ZNFX1: variants seen among roughly 807,000 people sequenced by gnomAD.
The protein encoded by ZNFX1 is zinc finger NFX1-type containing 1.
A neutral mutation model predicts 179.8 loss-of-function variants in ZNFX1; 78 were observed. That is an observed-to-expected ratio of 0.43 (90% CI 0.36 to 0.52). ZNFX1 has a LOEUF of 0.52. Among genes scored for constraint, ZNFX1 ranks in the 20% least tolerant of loss-of-function variants. The pLI is 0.00. For missense variants in ZNFX1, 1,927 were observed against 2,386.6 expected (o/e 0.81, Z 4.01); for synonymous variants, 848 against 868.5 (o/e 0.98, Z 0.42).
chr20:49,258,960 G>A (rs552017104), intron 7 of ZNFX1, among the ~76,000 whole-genome samples: 1 of 151,430 alleles, frequency 6.6e-6, no homozygotes, highest in Non-Finnish European at 1.5e-5. Context: ...AAAATAAGCT[G>A]GGTGTGGTGA....
At position 49,247,025 on chromosome 20, in the gene ZNFX1, C is replaced by T. The variant is rs1192087375; in HGVS notation, c.*242G>A. On this transcript the variant is annotated 3_prime_UTR_variant, in exon 14 of 14. Coordinates refer to ENST00000396105, the MANE Select transcript of ZNFX1 (RefSeq NM_021035.3). ...CTGGGATTACAGGCGCCCGCCATAA[C>T]GCCCAGCTAATTTTTGTATTTTTAG... The T allele has an allele frequency of 1.2e-5, 6 of 486,522 alleles. No homozygotes were observed. The highest frequency in any genetic ancestry group is 8.1e-5 in the South Asian group (4 of 49,150). 30.1% of individuals were successfully genotyped at this position (486,522 alleles called of 1,614,324 possible).
chr20:49,269,691 G>C (rs775652019), intron 3 of ZNFX1, among the ~76,000 whole-genome samples: 1 of 151,958 alleles, frequency 6.6e-6, no homozygotes, highest in African/African-American at 2.4e-5. Context: ...CAAAAACAAT[G>C]ACGACAACAA....
chr20:49,257,430 G>A lies in ZNFX1; in HGVS notation c.2651C>T (p.Thr884Ile). Residue 884 changes from threonine (T) to isoleucine (I), a missense_variant, in exon 8 of 14, where the codon ACA (threonine) becomes ATA (isoleucine). Physicochemically the swap from Thr to Ile is moderately conservative, Grantham distance 89. Coordinates refer to ENST00000396105, the MANE Select transcript of ZNFX1 (RefSeq NM_021035.3). ...TGTAAGQEQATGEWQTQRNQK... is the reference protein window; with the variant it reads ...TGTAAGQEQAIGEWQTQRNQK... The stretch of plus-strand genomic sequence containing the variant: ...AAGTGAGTTTACCTGCCACTCTCCT[G>A]TGGCTTGCTCCTGTCCAGCTGCTGT... 6.2e-7 allele frequency: 1 copy of A among 1,614,108 alleles called. No individual in the cohort carries two copies.
At position 49,260,490 on chromosome 20, in the gene ZNFX1, C is replaced by T. The variant is rs1033837324; in HGVS notation, c.2389G>A (p.Val797Ile). The change falls in exon 7 of 14, where the codon GTT becomes ATT. Residue 797 changes from valine to isoleucine, a missense_variant. Physicochemically the swap from Val to Ile is conservative, Grantham distance 29. Transcript: ENST00000396105. Reference protein sequence around the residue: ...GLGVGSFTQSVSPAGPENTAQ... With the variant: ...GLGVGSFTQSISPAGPENTAQ... ...GTATTCTCAGGTCCTGCTGGAGAAA[C>T]ACTTTGCGTGAAAGAACCGACACCA... 5 of 1,613,124 alleles carry T rather than the reference C, an allele frequency of 3.1e-6. No individual in the cohort carries two copies. The highest frequency in any genetic ancestry group is 1.6e-4 in the Middle Eastern group (1 of 6,082).
chr20:49,270,324 C>G lies in ZNFX1; in HGVS notation c.1488G>C (p.Glu496Asp). 3 of 1,614,110 alleles carry G rather than the reference C, an allele frequency of 1.9e-6. No homozygotes were observed. Among genetic ancestry groups the G allele is most frequent in the Non-Finnish European group, 8.5e-7 (1 of 1,180,000 alleles). The change falls in exon 3 of 14, where the codon GAG (glutamate) becomes GAC (aspartate). Residue 496 changes from glutamate (E) to aspartate (D), a missense_variant. Transcript: ENST00000396105. The surrounding 1 kb of genome is among the most constrained non-coding windows in gnomAD (Gnocchi z 4.6). Reference sequence around the variant, plus strand: ...TGAGGAAAGAGTCAGAGGGCTGGACCTCTGCTAGCAGCTGTTGGCTTTGCT... The same window carrying G: ...TGAGGAAAGAGTCAGAGGGCTGGACGTCTGCTAGCAGCTGTTGGCTTTGCT... ...FNEQSQQLLA[E>D]VQPSDSFLMV...
In ZNFX1 at chr20:49,248,273, C is replaced by A; in HGVS notation, c.4751G>T (p.Arg1584Leu). 1 of 1,614,100 alleles carries A rather than the reference C, an allele frequency of 6.2e-7. No individual in the cohort carries two copies. The highest frequency in any genetic ancestry group is 8.5e-7 in the Non-Finnish European group (1 of 1,180,020). ...GCTGCAGTCTTCCAGCTGCACAAAG[C>A]GGGCATCAGGCTCATCCTCAAAGCC... ...FFGFEDEPDA[R>L]FVQLEDCSHI... The change falls in exon 14 of 14, where the codon CGC (arginine) becomes CTC (leucine). Residue 1584 changes from arginine (R) to leucine (L), a missense_variant. Arg to Leu is a moderately radical substitution (Grantham distance 102, BLOSUM62 -2). Coordinates refer to ENST00000396105, the MANE Select transcript of ZNFX1 (RefSeq NM_021035.3). The surrounding 1 kb of genome is among the most constrained non-coding windows in gnomAD (Gnocchi z 4.6).
chr20:49,262,981 G>A (rs190182335), intron 6 of ZNFX1, among the ~76,000 whole-genome samples: 1 of 152,250 alleles, frequency 6.6e-6, no homozygotes, highest in East Asian at 1.9e-4. Flanking sequence ...AATCCTGTAA[G>A]AACAAAGATC....
rs1980664871 is a variant in ZNFX1 at position 49,246,125 on chromosome 20, AC to A, written c.*1141del. 6.6e-6 allele frequency: 1 copy of A among 152,218 alleles called. No individual in the cohort carries two copies. The highest frequency in any genetic ancestry group is 2.1e-4 in the South Asian group (1 of 4,824). 9.4% of individuals were successfully genotyped at this position (152,218 alleles called of 1,614,324 possible). On this transcript the variant is annotated 3_prime_UTR_variant, in exon 14 of 14. Coordinates refer to ENST00000396105, the MANE Select transcript of ZNFX1 (RefSeq NM_021035.3). ...CAGAAGCTGCTGGCATGCTAGCTCT[AC>A]CCAGGGAACAGCTCCAAGAGGGAGT... is the stretch of plus-strand genomic sequence containing the variant.
intron 3 of ZNFX1, 131 bp from the exon 4 acceptor site, chr20:49,266,397 T>C (rs1305563928): frequency 8.3e-6 from 8 of 963,378 alleles, no homozygotes; most frequent in Non-Finnish European, 1.0e-5. Context: ...GCGTACATTG[T>C]ATATTGTGAA....
chr20:49,263,376 G>T lies in ZNFX1; in HGVS notation c.2259C>A (p.Ile753=). 1 of 1,613,960 alleles carries T rather than the reference G, an allele frequency of 6.2e-7. No individual in the cohort carries two copies. Among genetic ancestry groups the T allele is most frequent in the South Asian group, 1.1e-5 (1 of 91,056 alleles). The change falls in exon 6 of 14, where the codon ATC becomes ATA. Residue 753 remains isoleucine, a synonymous_variant. Coordinates refer to ENST00000396105, the MANE Select transcript of ZNFX1 (RefSeq NM_021035.3). ...VLREQYLQKY[I]SPQHWESLMN... Reference sequence around the variant, plus strand: ...TGAGACTTTCCCAGTGCTGGGGTGAGATGTACTTCTGCAGGTACTGTTCCC... The same window carrying T: ...TGAGACTTTCCCAGTGCTGGGGTGATATGTACTTCTGCAGGTACTGTTCCC...
Position 49,247,876 on chromosome 20 carries a change from C to G in ZNFX1, c.5148G>C (p.Trp1716Cys). 6.2e-7 allele frequency: 1 copy of G among 1,614,134 alleles called. No individual in the cohort carries two copies. Among genetic ancestry groups the G allele is most frequent in the African/African-American group, 1.3e-5 (1 of 75,034 alleles). The change falls in exon 14 of 14, where the codon TGG becomes TGC. Residue 1716 changes from tryptophan (W) to cysteine (C), a missense_variant. By Grantham distance (215) the Trp-to-Cys change is radical (BLOSUM62 -2). Transcript: ENST00000396105. The part of the protein sequence containing the change: ...ISFYDHLASL[W>C]DSLKKMHVLE... ...AGACATGCATCTTTTTCAGGGAATC[C>G]CACAGGCTGGCCAGGTGGTCATAGA...
At position 49,257,629 on chromosome 20, in the gene ZNFX1, C is replaced by T. The variant is rs200086384; in HGVS notation, c.2452G>A (p.Glu818Lys). 6.2e-6 allele frequency: 10 copies of T among 1,613,982 alleles called. No homozygotes were observed. In the East Asian group the frequency reaches 1.8e-4, roughly 29 times the overall value. Residue 818 changes from glutamate (E) to lysine (K), a missense_variant, in exon 8 of 14, where the codon GAG (glutamate) becomes AAG (lysine). Coordinates refer to ENST00000396105, the MANE Select transcript of ZNFX1 (RefSeq NM_021035.3). ...AEGDEEEEGEEESSLIEIAEE... is the reference protein window; with the variant it reads ...AEGDEEEEGEKESSLIEIAEE... ...GCGATCTCTATCAGCGAACTCTCCTCCTCCCCTTCTTCCTCCTCATCCCCT... is the reference window on the plus strand; with the variant it reads ...GCGATCTCTATCAGCGAACTCTCCTTCTCCCCTTCTTCCTCCTCATCCCCT...
Position 49,249,678 on chromosome 20 carries a change from T to C in ZNFX1, c.3346A>G (p.Asn1116Asp), listed in dbSNP as rs1185223237. Residue 1116 changes from asparagine (N) to aspartate (D), a missense_variant, in exon 14 of 14, where the codon AAC (asparagine) becomes GAC (aspartate). Physicochemically the swap from Asn to Asp is conservative, Grantham distance 23. Transcript: ENST00000396105. ...VSSNLFFVEH[N>D]FPEQEIQEGK... ...TCTTGGATTTCCTGTTCAGGAAAGT[T>C]GTGTTCTACAAAGAAAAGGTTGGAA... 6.2e-7 allele frequency: 1 copy of C among 1,613,470 alleles called. No individual in the cohort carries two copies. Among genetic ancestry groups the C allele is most frequent in the Non-Finnish European group, 8.5e-7 (1 of 1,179,548 alleles).
chr20:49,270,994 A>G lies in ZNFX1; in HGVS notation c.818T>C (p.Leu273Pro). ...VQETSMLVSL[L>P]PTSLNALRAS... ...TCTCAGAGCATTAAGAGAGGTTGGC[A>G]GGAGGGAAACCAGCATGGAAGTTTC... is the stretch of plus-strand genomic sequence containing the variant. The change falls in exon 3 of 14, where the codon CTG (leucine) becomes CCG (proline). Residue 273 changes from leucine to proline, a missense_variant. Physicochemically the swap from Leu to Pro is moderately conservative, Grantham distance 98. Coordinates refer to ENST00000396105, the MANE Select transcript of ZNFX1 (RefSeq NM_021035.3). The surrounding 1 kb of genome is among the most constrained non-coding windows in gnomAD (Gnocchi z 4.6). The G allele has an allele frequency of 6.2e-7, 1 of 1,614,154 alleles. No homozygotes were observed. Among genetic ancestry groups the G allele is most frequent in the Non-Finnish European group, 8.5e-7 (1 of 1,180,016 alleles).
intron 4 of ZNFX1, 38 bp downstream of exon 4, chr20:49,266,094 TCAA>T: frequency 6.3e-7 from 1 of 1,594,430 alleles, no homozygotes; most frequent in Non-Finnish European, 8.5e-7. Flanking sequence ...GGTTCAATCA[TCAA>T]CATCTTGATA....
chr20:49,251,669 C>T (rs759788144), intron 12 of ZNFX1, 47 bp from the exon 13 acceptor site: 18 of 1,495,740 alleles, frequency 1.2e-5, no homozygotes, highest in Admixed American at 8.1e-5. Flanking sequence ...AGAGCACACA[C>T]GGACAATTTC....
intron 13 of ZNFX1, 95 bp from the exon 14 acceptor site, chr20:49,249,806 C>T: frequency 7.3e-7 from 1 of 1,363,748 alleles, no homozygotes; most frequent in South Asian, 1.4e-5. Context: ...TACTCTGCTC[C>T]AGAGAGAGAC....
At chr20:49,255,670 T>G in intron 9 of ZNFX1, 138 bp downstream of exon 9, 2 of 940,804 alleles carry the variant, frequency 2.1e-6, no homozygotes, top group Non-Finnish European at 1.6e-6. Flanking sequence ...ATCCCATGGC[T>G]GTATCCCTAT....
rs756545146 is a variant in ZNFX1 at position 49,270,203 on chromosome 20, C to T, written c.1609G>A (p.Val537Met). ...TCCTTCACATGAGAGTTACACTCCA[C>T]GATATTCCTCTGGAAGGGAACATCT... ...EEDVPFQRNIVECNSHVKEPR... is the reference protein window; with the variant it reads ...EEDVPFQRNIMECNSHVKEPR... Residue 537 changes from valine to methionine, a missense_variant, in exon 3 of 14, where the codon GTG becomes ATG. Transcript: ENST00000396105. This position sits in a 1 kb window ranked among gnomAD's most constrained non-coding sequence, Gnocchi z 4.6. 14 of 1,613,904 alleles carry T rather than the reference C, an allele frequency of 8.7e-6. No individual in the cohort carries two copies. Among genetic ancestry groups the T allele is most frequent in the Non-Finnish European group, 1.2e-5 (14 of 1,180,038 alleles).
Sources: allele counts gnomAD v4.1 joint callset (sites outside exome capture counted in the v4.1 genomes callset), GRCh38; gene constraint gnomAD v4.1.1; non-coding constraint Gnocchi (gnomAD v3.1); transcripts MANE v1.5; gene names NCBI Gene and HGNC (gene_info 2026-07-23, HGNC 2026-07-21).